Variants in DNM1L observed in about 807,000 individuals in gnomAD.
DNM1L encodes dynamin-1-like protein.
In DNM1L, 33 loss-of-function variants were observed where a neutral mutation model predicts 92.8. That is an observed-to-expected ratio of 0.36 (90% CI 0.27 to 0.48). The LOEUF is 0.48. Among genes scored for constraint, DNM1L ranks in the 20% least tolerant of loss-of-function variants. The pLI is 0.99. For synonymous variants in DNM1L, 284 were observed against 305.0 expected (o/e 0.93, Z 0.72); for missense variants, 485 against 888.8 (o/e 0.55, Z 5.78).
chr12:32,742,530 C>T, intron 18 of DNM1L, 59 bp from the exon 19 acceptor site: 1 of 1,606,382 alleles, frequency 6.2e-7, no homozygotes, highest in Non-Finnish European at 8.5e-7. Context: ...AGCATCTAAG[C>T]CCAAATTGTT....
intron 1 of DNM1L, 43 bp downstream of exon 1, chr12:32,679,508 G>T (rs1316599744): frequency 6.4e-7 from 1 of 1,565,000 alleles, no homozygotes; most frequent in East Asian, 2.2e-5. Context: ...GACCCCGGCC[G>T]CAGGCCTGGT....
At position 32,685,400 on chromosome 12, in the gene DNM1L, G is replaced by A. The variant is rs142217036; in HGVS notation, c.102+5935G>A. On this transcript the variant is annotated intron_variant, in intron 1 of 19. Coordinates refer to ENST00000549701, the MANE Select transcript of DNM1L (RefSeq NM_012062.5). ...TTTTGAGACAGGGTCTCACTTTCTC[G>A]CCCAGACTGGAGTGCTGTGGCGCTA... 4.4e-4 allele frequency among the ~76,000 whole-genome samples: 50 copies of A among 112,772 alleles called. No individual in the cohort carries two copies. The East Asian group carries it at 0.013, about 28-fold the overall frequency. 74.0% of individuals were successfully genotyped at this position (112,772 alleles called of 152,430 possible). A position where few individuals can be genotyped will look rare whatever the true frequency, so the allele number is the denominator to read the frequency against.
intron 1 of DNM1L, among the ~76,000 whole-genome samples, chr12:32,697,717 G>A (rs1044435232): frequency 6.8e-6 from 1 of 147,208 alleles, no homozygotes; most frequent in African/African-American, 2.6e-5. Context: ...AAAAGCTAAT[G>A]TTTCAACTCA....
chr12:32,722,845 AAATATTTT>A (rs1953869633), intron 9 of DNM1L: 2 of 240,968 alleles, frequency 8.3e-6, no homozygotes, highest in Non-Finnish European at 1.5e-5. Context: ...ACATATTTTT[AAATATTTT>A]AATATTTTAT....
Position 32,699,648 on chromosome 12 carries a change from G to A in DNM1L, c.103-1767G>A, listed in dbSNP as rs575402634. 1.3e-3 allele frequency among the ~76,000 whole-genome samples: 193 copies of A among 151,928 alleles called. 2 individuals are homozygous for A. Among genetic ancestry groups the A allele is most frequent in the African/African-American group, 4.4e-3 (182 of 41,444 alleles). The stretch of plus-strand genomic sequence containing the variant: ...CTGTCTCTACTAAAAATACAAAACC[G>A]CTGGGCGTGGTGTCACACGCCTGTA... On this transcript the variant is annotated intron_variant, in intron 1 of 19. Transcript: ENST00000549701.
At chr12:32,680,578 C>T (rs1046899016) in intron 1 of DNM1L, among the ~76,000 whole-genome samples, 1 of 152,160 alleles carries the variant, frequency 6.6e-6, no homozygotes, top group African/African-American at 2.4e-5. Flanking sequence ...GTTTTAGAAA[C>T]ACATTTCCTT....
At chr12:32,737,489 G>A in intron 14 of DNM1L, 1 of 378,350 alleles carries the variant, frequency 2.6e-6, no homozygotes, top group East Asian at 5.6e-5. Flanking sequence ...ATAATAAGAG[G>A]GTTTCTTGGA....
At position 32,733,842 on chromosome 12, in the gene DNM1L, GA is replaced by G. The variant is rs368716458; in HGVS notation, c.1539+40del. 4.1e-5 allele frequency: 65 copies of G among 1,580,548 alleles called. No homozygotes were observed. The East Asian group carries it at 1.4e-3, about 33-fold the overall frequency. On this transcript the variant is annotated intron_variant, in intron 13 of 19. Coordinates refer to ENST00000549701, the MANE Select transcript of DNM1L (RefSeq NM_012062.5). ...ATTCTTAAATGCTTTTTCACAGGTA[GA>G]AAAATCTGTTGTAACTCAGTTATAT... is the stretch of plus-strand genomic sequence containing the variant.
At chr12:32,713,187 T>G (rs780651455) in intron 5 of DNM1L, 22 bp from the exon 6 acceptor site, 1 of 1,613,536 alleles carries the variant, frequency 6.2e-7, no homozygotes, top group South Asian at 1.1e-5. Flanking sequence ...ATTAGTTCCT[T>G]GCTCATCTCT....
At chr12:32,685,165 C>T (rs1951956585) in intron 1 of DNM1L, among the ~76,000 whole-genome samples, 1 of 151,900 alleles carries the variant, frequency 6.6e-6, no homozygotes, top group Non-Finnish European at 1.5e-5. Flanking sequence ...TCTCGATCTC[C>T]TCACCTCGTG....
chr12:32,742,816 A>C, intron 19 of DNM1L, 68 bp downstream of exon 19: 1 of 1,570,234 alleles, frequency 6.4e-7, no homozygotes. Context: ...TTTTAAATGC[A>C]GTTTGATTCT....
intron 1 of DNM1L, among the ~76,000 whole-genome samples, chr12:32,681,728 C>A (rs1450631423): frequency 1.3e-5 from 2 of 151,202 alleles, no homozygotes; most frequent in African/African-American, 4.9e-5. Flanking sequence ...TATATGTATA[C>A]CTCACATTTA....
intron 8 of DNM1L, 40 bp from the exon 9 acceptor site, chr12:32,722,387 C>T: frequency 1.9e-6 from 3 of 1,574,640 alleles, no homozygotes; most frequent in Non-Finnish European, 1.7e-6. Flanking sequence ...TTAGAATACA[C>T]AATTTTACTT....
At position 32,679,314 on chromosome 12, in the gene DNM1L, C is replaced by T. The variant is rs886049282; in HGVS notation, c.-50C>T. 4 of 1,283,112 alleles carry T rather than the reference C, an allele frequency of 3.1e-6. No homozygotes were observed. Among genetic ancestry groups the T allele is most frequent in the South Asian group, 1.2e-5 (1 of 83,010 alleles). The allele number at this position is 1,283,112 out of a possible 1,614,324, so 79.5% of individuals were successfully genotyped here. A position where few individuals can be genotyped will look rare whatever the true frequency, so the allele number is the denominator to read the frequency against. The stretch of plus-strand genomic sequence containing the variant: ...AGGAGGCGAACTGTGGGCCCCGGCC[C>T]CATTCATTGCCGTGGCCGGCGGGCA... On this transcript the variant is annotated 5_prime_UTR_variant, in exon 1 of 20. Coordinates refer to ENST00000549701, the MANE Select transcript of DNM1L (RefSeq NM_012062.5).
In DNM1L at chr12:32,731,320, C is replaced by CAT; in HGVS notation, c.1201-30_1201-29dup. The CAT allele has an allele frequency of 1.2e-6, 2 of 1,612,354 alleles. No individual in the cohort carries two copies. Among genetic ancestry groups the CAT allele is most frequent in the Non-Finnish European group, 1.7e-6 (2 of 1,179,000 alleles). ...TAACCCTTGGGAAGAACTGAAATTACATATATAATAAGAGTTCTAAGTTTT... is the reference window on the plus strand; with the variant it reads ...TAACCCTTGGGAAGAACTGAAATTACATATATATAATAAGAGTTCTAAGTTTT... On this transcript the variant is annotated intron_variant, in intron 10 of 19. Coordinates refer to ENST00000549701, the MANE Select transcript of DNM1L (RefSeq NM_012062.5). This position sits in a 1 kb window ranked among gnomAD's most constrained non-coding sequence, Gnocchi z 5.1.
In DNM1L at chr12:32,744,725, AT is replaced by A. The variant is rs1215645745; in HGVS notation, c.*1316del. The A allele has an allele frequency of 5.5e-6, 2 of 365,718 alleles. No individual in the cohort carries two copies. The highest frequency in any genetic ancestry group is 2.2e-5 in the African/African-American group (1 of 45,666). The allele number at this position is 365,718 out of a possible 1,614,324, so 22.7% of individuals were successfully genotyped here. On this transcript the variant is annotated 3_prime_UTR_variant, in exon 20 of 20. Transcript: ENST00000549701. ...CGAAACTCCGTCTCAAAAAAAAAAAATAAAACAACACCCAGATAGATACACA... is the reference window on the plus strand; with the variant it reads ...CGAAACTCCGTCTCAAAAAAAAAAAAAAAACAACACCCAGATAGATACACA...
Position 32,736,067 on chromosome 12 carries a change from CTTTT to C in DNM1L, c.1540-1019_1540-1016del, listed in dbSNP as rs773591822. Among the ~76,000 whole-genome samples the C allele has an allele frequency of 4.4e-5, 5 of 113,038 alleles. No homozygotes were observed. The East Asian group carries it at 1.1e-3, about 24-fold the overall frequency. The allele number at this position is 113,038 out of a possible 152,430, so 74.2% of individuals were successfully genotyped here. On this transcript the variant is annotated intron_variant, in intron 13 of 19. Coordinates refer to ENST00000549701, the MANE Select transcript of DNM1L (RefSeq NM_012062.5). ...CTACAGATTTCTATATCTTCATAAT[CTTTT>C]TTTTTTTTTTTTTTTTTTAAGACAG...
Position 32,731,626 on chromosome 12 carries a change from C to G in DNM1L, c.1356+115C>G. The G allele has an allele frequency of 7.5e-7, 1 of 1,339,768 alleles. No individual in the cohort carries two copies. Among genetic ancestry groups the G allele is most frequent in the African/African-American group, 1.4e-5 (1 of 69,358 alleles). 83.0% of individuals were successfully genotyped at this position (1,339,768 alleles called of 1,614,324 possible). A position where few individuals can be genotyped will look rare whatever the true frequency, so the allele number is the denominator to read the frequency against. ...GGATACAAGGTAAAATCTGTAGTTCCCTTACCTGAAAGTGATTTGAAATAG... is the reference window on the plus strand; with the variant it reads ...GGATACAAGGTAAAATCTGTAGTTCGCTTACCTGAAAGTGATTTGAAATAG... On this transcript the variant is annotated intron_variant, in intron 11 of 19. Transcript: ENST00000549701. This position sits in a 1 kb window ranked among gnomAD's most constrained non-coding sequence, Gnocchi z 5.1.
At chr12:32,724,612 AT>A (rs1954004876) in intron 9 of DNM1L, among the ~76,000 whole-genome samples, 1 of 142,324 alleles carries the variant, frequency 7.0e-6, no homozygotes, top group Non-Finnish European at 1.5e-5. Flanking sequence ...ATATATATAT[AT>A]ATATATAAAT....
Sources: gnomAD v4.1 joint callset for allele counts (sites outside exome capture counted in the v4.1 genomes callset) on GRCh38, gnomAD v4.1.1 for gene constraint, Gnocchi (gnomAD v3.1) non-coding constraint, MANE v1.5 for transcripts, NCBI Gene and HGNC (gene_info 2026-07-23, HGNC 2026-07-21) for gene names.